The following ORC4 variants were observed in gnomAD, a reference collection of about 807,000 sequenced individuals.
ORC4 encodes origin recognition complex, subunit 4 homolog.
A neutral mutation model predicts 63.9 loss-of-function variants in ORC4; 55 were observed. That is an observed-to-expected ratio of 0.86 (90% confidence interval 0.69 to 1.08). The LOEUF (loss-of-function observed/expected upper bound fraction) is 1.08. ORC4 is among the 50% of genes least tolerant of loss of function. The probability of loss-of-function intolerance (pLI) is 0.00; values close to 1 mark genes in which losing one functional copy is unlikely to be tolerated. For synonymous variants in ORC4, 150 were observed against 168.5 expected (o/e 0.89, Z 0.85); for missense variants, 511 against 504.4 (o/e 1.01, Z -0.13).
chr2:147,951,197 A>C (rs540599991), intron 8 of ORC4, among the ~76,000 whole-genome samples: 17 of 152,298 alleles, frequency 1.1e-4, no homozygotes, highest in South Asian at 4.1e-4. Context: ...TCTGAAAAAG[A>C]AAAAGGGTTG....
rs1464674125 is a variant in ORC4 at position 147,931,470 on chromosome 2, C to A, written c.*4040G>T. ...ATGGTTGAACTAGTTTACAGTCCCA[C>A]CAACAGTGTGAAAGTGTTCCTATTT... On this transcript the variant is annotated 3_prime_UTR_variant, in exon 14 of 14. Coordinates refer to ENST00000392857, the MANE Select transcript of ORC4 (RefSeq NM_181741.4). 5 of 152,068 alleles carry A rather than the reference C, an allele frequency of 3.3e-5. No individual in the cohort carries two copies. Among genetic ancestry groups the A allele is most frequent in the Non-Finnish European group, 1.5e-5 (1 of 68,006 alleles). The allele number at this position is 152,068 out of a possible 1,614,324, so 9.4% of individuals were successfully genotyped here. A position where few individuals can be genotyped will look rare whatever the true frequency, so the allele number is the denominator to read the frequency against.
At chr2:147,986,690 G>A (rs1691215923) in intron 1 of ORC4, among the ~76,000 whole-genome samples, 1 of 151,850 alleles carries the variant, frequency 6.6e-6, no homozygotes, top group African/African-American at 2.4e-5. Flanking sequence ...AGCCTTGTGT[G>A]GAGTGTGTGT....
intron 8 of ORC4, among the ~76,000 whole-genome samples, chr2:147,949,218 T>A (rs889762448): frequency 6.6e-6 from 1 of 151,938 alleles, no homozygotes; most frequent in Middle Eastern, 3.2e-3. Flanking sequence ...CATCAACTGA[T>A]GAATGGATAA....
At chr2:147,997,776 G>A (rs2105423238) in intron 1 of ORC4, among the ~76,000 whole-genome samples, 1 of 152,096 alleles carries the variant, frequency 6.6e-6, no homozygotes, top group African/African-American at 2.4e-5. Flanking sequence ...TGTATATTAT[G>A]TTTGTAACTT....
At chr2:147,959,431 G>A (rs527623219) in intron 4 of ORC4, among the ~76,000 whole-genome samples, 1 of 151,916 alleles carries the variant, frequency 6.6e-6, no homozygotes, top group African/African-American at 2.4e-5. Context: ...AGTAAAGATG[G>A]ACTGTTCCTT....
chr2:148,015,197 C>CA lies in ORC4; in HGVS notation c.-18+5435dup, dbSNP rs985073338. ...AATTACAACCAAAAAAAGAAACAAA[C>CA]AAAAAAAAATTCTAAAAGAGAGATT... On this transcript the variant is annotated intron_variant, in intron 1 of 13. Transcript: ENST00000392857. Among the ~76,000 whole-genome samples, 20 of 142,506 alleles carry CA rather than the reference C, an allele frequency of 1.4e-4. No individual in the cohort carries two copies. The South Asian group carries it at 2.4e-3, about 17-fold the overall frequency. 93.5% of individuals were successfully genotyped at this position (142,506 alleles called of 152,430 possible). A position where few individuals can be genotyped will look rare whatever the true frequency, so the allele number is the denominator to read the frequency against.
chr2:147,988,050 C>G (rs978036851), intron 1 of ORC4, among the ~76,000 whole-genome samples: 1 of 138,794 alleles, frequency 7.2e-6, no homozygotes, highest in African/African-American at 2.7e-5. Context: ...GAGACTCTGT[C>G]TCAAAAAAAA....
intron 9 of ORC4, among the ~76,000 whole-genome samples, chr2:147,943,820 T>G (rs150444270): frequency 6.6e-6 from 1 of 152,036 alleles, no homozygotes. Context: ...ACTAGTGAAA[T>G]GAACAAAATG....
At chr2:148,018,460 T>C (rs1693451923) in intron 1 of ORC4, among the ~76,000 whole-genome samples, 1 of 152,190 alleles carries the variant, frequency 6.6e-6, no homozygotes, top group East Asian at 1.9e-4. Flanking sequence ...TAAGAATACA[T>C]GTACAAGAAC....
At chr2:147,988,356 T>TA (rs1691356736) in intron 1 of ORC4, among the ~76,000 whole-genome samples, 1 of 151,184 alleles carries the variant, frequency 6.6e-6, no homozygotes, top group Non-Finnish European at 1.5e-5. Flanking sequence ...CCAGCTGACT[T>TA]ACTGAATTTT....
chr2:147,978,214 C>T (rs979022323), intron 1 of ORC4, among the ~76,000 whole-genome samples: 1 of 152,170 alleles, frequency 6.6e-6, no homozygotes, highest in African/African-American at 2.4e-5. Context: ...AATCTGCCTG[C>T]CTGTCCTGAG....
At chr2:147,987,384 A>G (rs201483991) in intron 1 of ORC4, among the ~76,000 whole-genome samples, 14,415 of 63,902 alleles carry the variant, frequency 0.23, 997 homozygotes, top group Non-Finnish European at 0.28. Flanking sequence ...GTGTGTGTGT[A>G]TATATATACA....
At chr2:148,019,057 T>G (rs1297708226) in intron 1 of ORC4, among the ~76,000 whole-genome samples, 2 of 152,186 alleles carry the variant, frequency 1.3e-5, no homozygotes, top group Admixed American at 1.3e-4. Flanking sequence ...CTGGTATTTT[T>G]TTTTTTCATT....
At chr2:147,953,279 T>G (rs1689065509) in intron 7 of ORC4, among the ~76,000 whole-genome samples, 1 of 152,096 alleles carries the variant, frequency 6.6e-6, no homozygotes, top group Admixed American at 6.6e-5. Context: ...TATTCTAGCC[T>G]GGGCAACAAG....
chr2:147,935,698 C>T lies in ORC4; in HGVS notation c.1123G>A (p.Ala375Thr). The change falls in exon 14 of 14, where the codon GCT becomes ACT. Residue 375 changes from alanine (A) to threonine (T), a missense_variant and splice_region_variant. By Grantham distance (58) the Ala-to-Thr change is moderately conservative. Transcript: ENST00000392857. ...TCTAATTGCTGCAAGTGTTCAAAAG[C>T]CTGAAAGATGAAAGAAATAGTTTAG... ...YNFEKPVVMKAFEHLQQLELI... is the reference protein window; with the variant it reads ...YNFEKPVVMKTFEHLQQLELI... The T allele has an allele frequency of 1.2e-6, 2 of 1,611,374 alleles. No individual in the cohort carries two copies. Among genetic ancestry groups the T allele is most frequent in the Non-Finnish European group, 1.7e-6 (2 of 1,179,040 alleles).
intron 1 of ORC4, among the ~76,000 whole-genome samples, chr2:147,992,729 A>G (rs1691697748): frequency 6.6e-6 from 1 of 152,134 alleles, no homozygotes. Context: ...TGATACTCCA[A>G]AATAAAGTCC....
Position 147,935,337 on chromosome 2 carries a change from A to G in ORC4, c.*173T>C. The G allele has an allele frequency of 1.6e-6, 1 of 618,422 alleles. No homozygotes were observed. The highest frequency in any genetic ancestry group is 1.8e-5 in the African/African-American group (1 of 54,704). 38.3% of individuals were successfully genotyped at this position (618,422 alleles called of 1,614,324 possible). On this transcript the variant is annotated 3_prime_UTR_variant, in exon 14 of 14. Coordinates refer to ENST00000392857, the MANE Select transcript of ORC4 (RefSeq NM_181741.4). ...ATCTCAATCAGTGAAATTATAAATC[A>G]TGTAACTGTTCATGATTAAAAGGCA...
intron 13 of ORC4, 46 bp from the exon 14 acceptor site, chr2:147,935,744 G>A: frequency 6.8e-7 from 1 of 1,460,564 alleles, no homozygotes; most frequent in Non-Finnish European, 9.6e-7. Flanking sequence ...AGAGGAGAGT[G>A]ACAACTCTCC....
At chr2:147,992,315 G>A (rs1221559779) in intron 1 of ORC4, among the ~76,000 whole-genome samples, 3 of 152,106 alleles carry the variant, frequency 2.0e-5, no homozygotes, top group Non-Finnish European at 4.4e-5. Context: ...CTAGGGCAGT[G>A]GCACGATAAT....
Sources: allele counts gnomAD v4.1 joint callset (sites outside exome capture counted in the v4.1 genomes callset), GRCh38; gene constraint gnomAD v4.1.1; transcripts MANE v1.5; gene names NCBI Gene and HGNC (gene_info 2026-07-23, HGNC 2026-07-21).